Variants in RTL4 observed in about 807,000 individuals in gnomAD.
RTL4 encodes retrotransposon Gag-like protein 4.
In RTL4, 4 loss-of-function variants were observed where a neutral mutation model predicts 5.3. The observed-to-expected ratio is 0.75, with a 90% CI of 0.37 to 1.72. The LOEUF (loss-of-function observed/expected upper bound fraction) is 1.72, where lower values mean the gene tolerates loss of function less well. RTL4 is among the 40% of genes most tolerant of loss of function. The pLI, the probability that RTL4 is intolerant of heterozygous loss-of-function variation, is 0.04. For missense variants in RTL4, 260 were observed against 227.1 expected, an observed-to-expected ratio of 1.14 and a Z score of -0.93; for synonymous variants, 98 against 87.3, an observed-to-expected ratio of 1.12 and a Z score of -0.68.
the RTL4 span, among the ~76,000 whole-genome samples, chrX:112,162,108 A>G: frequency 9.0e-6 from 1 of 110,602 alleles, no homozygotes; most frequent in African/African-American, 3.3e-5. Flanking sequence ...AGTTTTGGAG[A>G]GAAATTGTAG....
the RTL4 span, among the ~76,000 whole-genome samples, chrX:112,144,585 C>T: frequency 8.9e-6 from 1 of 111,748 alleles, no homozygotes; most frequent in African/African-American, 3.3e-5. Context: ...CCTGACTGCA[C>T]ATTGGAATCA....
At chrX:112,360,631 A>G in the RTL4 span, among the ~76,000 whole-genome samples, 29 of 110,169 alleles carry the variant, frequency 2.6e-4, no homozygotes, top group South Asian at 0.011. Context: ...TCATCATACT[A>G]TATCACTACA....
the RTL4 span, among the ~76,000 whole-genome samples, chrX:112,374,380 C>T: frequency 8.9e-6 from 1 of 111,807 alleles, no homozygotes; most frequent in East Asian, 2.8e-4. Context: ...CAATACCACA[C>T]AACCCTGATT....
the RTL4 span, among the ~76,000 whole-genome samples, chrX:112,401,618 C>CT: frequency 0.38 from 40,678 of 107,835 alleles, 6,857 homozygotes; most frequent in African/African-American, 0.61. Context: ...AAATTCTAGA[C>CT]TTTTTTTTTA....
the RTL4 span, among the ~76,000 whole-genome samples, chrX:112,343,836 C>T: frequency 1.8e-5 from 2 of 111,643 alleles, no homozygotes; most frequent in Non-Finnish European, 3.8e-5. Flanking sequence ...GTTTTATATA[C>T]AAACCTTTCA....
chrX:112,197,845 T>C, the RTL4 span, among the ~76,000 whole-genome samples: 1 of 112,023 alleles, frequency 8.9e-6, no homozygotes, highest in East Asian at 2.8e-4. Context: ...TGTAGTTGAC[T>C]TAGTGGGGGA....
In RTL4 at chrX:112,455,500, C is replaced by T; in HGVS notation, c.772C>T (p.Gln258Ter). 1 of 1,211,561 alleles carries T rather than the reference C, an allele frequency of 8.3e-7. No homozygotes were observed. Among genetic ancestry groups the T allele is most frequent in the Non-Finnish European group, 1.1e-6 (1 of 895,502 alleles). ...TCCACCACCCAAGAAAGGGCCTATA[C>T]AGCTGCGAGAAGGCCAGCTGCCTCT... Residue 258 changes from glutamine (Q) to a stop codon, truncating the protein, a stop_gained, in exon 1 of 1, where the codon CAG (glutamine) becomes TAG (stop). Transcript: ENST00000340433. LOFTEE classifies it high-confidence loss of function.
the RTL4 span, among the ~76,000 whole-genome samples, chrX:112,184,557 G>T: frequency 8.9e-6 from 1 of 111,823 alleles, no homozygotes; most frequent in Non-Finnish European, 1.9e-5. Context: ...ATCAATTCTA[G>T]TCCACGTTTC....
chrX:112,355,648 G>T, the RTL4 span, among the ~76,000 whole-genome samples: 1 of 110,932 alleles, frequency 9.0e-6, no homozygotes, highest in Non-Finnish European at 1.9e-5. Context: ...GCAAGATGTT[G>T]CCAGAACTCC....
chrX:112,450,984 G>C (rs1191813614), upstream of RTL4, among the ~76,000 whole-genome samples: 1 of 111,490 alleles, frequency 9.0e-6, no homozygotes, highest in Non-Finnish European at 1.9e-5. Flanking sequence ...CATGCACTTA[G>C]TCTTTATCCT....
the RTL4 span, among the ~76,000 whole-genome samples, chrX:112,366,997 C>T: frequency 1.8e-5 from 2 of 111,403 alleles, no homozygotes; most frequent in African/African-American, 6.5e-5. Context: ...GGAAGCTTCT[C>T]CTGCCTGGAG....
the RTL4 span, among the ~76,000 whole-genome samples, chrX:112,344,253 C>T: frequency 8.9e-6 from 1 of 112,055 alleles, no homozygotes; most frequent in African/African-American, 3.3e-5. Flanking sequence ...CACCCTAACA[C>T]CCACCTCTTT....
At chrX:112,162,851 T>G in the RTL4 span, among the ~76,000 whole-genome samples, 5 of 111,454 alleles carry the variant, frequency 4.5e-5, no homozygotes, top group African/African-American at 1.6e-4. Flanking sequence ...GCGGGTAGTC[T>G]TGTCTTGAAA....
the RTL4 span, among the ~76,000 whole-genome samples, chrX:112,308,079 G>T: frequency 1.8e-5 from 2 of 111,555 alleles, no homozygotes; most frequent in African/African-American, 6.5e-5. Flanking sequence ...TGTTAAGAGT[G>T]CTTGAGTTAT....
At chrX:112,442,244 C>CTT in the RTL4 span, among the ~76,000 whole-genome samples, 87 of 98,419 alleles carry the variant, frequency 8.8e-4, no homozygotes, top group African/African-American at 2.6e-3. Flanking sequence ...ATTTACATTT[C>CTT]TTTTTTTTTT....
the RTL4 span, among the ~76,000 whole-genome samples, chrX:112,178,363 A>T: frequency 9.7e-6 from 1 of 103,330 alleles, no homozygotes; most frequent in Non-Finnish European, 2.0e-5. Context: ...GCAATGTGGA[A>T]TCCTGCATTG....
the RTL4 span, among the ~76,000 whole-genome samples, chrX:112,284,567 T>C: frequency 9.0e-6 from 1 of 111,570 alleles, no homozygotes; most frequent in South Asian, 3.7e-4. Flanking sequence ...TTCTCTAAAC[T>C]ATGAAAAGCC....
chrX:112,448,444 G>T, the RTL4 span, among the ~76,000 whole-genome samples: 122 of 111,641 alleles, frequency 1.1e-3, no homozygotes, highest in Non-Finnish European at 2.0e-3. Flanking sequence ...GGGTCTGAGG[G>T]TCATATTCCA....
At chrX:112,168,716 A>G in the RTL4 span, among the ~76,000 whole-genome samples, 2 of 112,241 alleles carry the variant, frequency 1.8e-5, no homozygotes, top group South Asian at 3.7e-4. Context: ...AGGAACTCTC[A>G]GTTCCGGGAA....
Sources: allele counts gnomAD v4.1 joint callset (sites outside exome capture counted in the v4.1 genomes callset), GRCh38; gene constraint gnomAD v4.1.1; transcripts MANE v1.5; gene names NCBI Gene and HGNC (gene_info 2026-07-23, HGNC 2026-07-21).